Variants in SEPTIN11 observed in about 807,000 individuals in gnomAD.
SEPTIN11 encodes the protein septin 11, also known as septin-11.
A neutral mutation model predicts 51.4 loss-of-function variants in SEPTIN11; 25 were observed. The observed-to-expected ratio is 0.49, with a 90% CI of 0.35 to 0.68. SEPTIN11 has a LOEUF of 0.68. SEPTIN11 is among the 30% of genes least tolerant of loss of function. SEPTIN11 has a pLI of 0.00. For missense variants in SEPTIN11, 381 were observed against 520.8 expected (o/e 0.73, Z 2.61); for synonymous variants, 174 against 184.1 (o/e 0.95, Z 0.44).
At chr4:77,011,714 C>T in intron 3 of SEPTIN11, 21 bp from the exon 4 acceptor site, 1 of 1,610,328 alleles carries the variant, frequency 6.2e-7, no homozygotes, top group Non-Finnish European at 8.5e-7. Flanking sequence ...AGACTAGAAA[C>T]ATGCTGTTTC....
At chr4:77,030,699 T>A in intron 8 of SEPTIN11, 84 bp from the exon 9 acceptor site, 1 of 1,331,388 alleles carries the variant, frequency 7.5e-7, no homozygotes, top group Non-Finnish European at 1.0e-6. Context: ...CTGGCCATGT[T>A]TTGTTTTTTG....
intron 5 of SEPTIN11, among the ~76,000 whole-genome samples, chr4:77,016,633 C>CATATATATATATATATAT (rs1234653472): frequency 0.041 from 2,955 of 72,228 alleles, 205 homozygotes; most frequent in Non-Finnish European, 0.059. Context: ...TATATATACA[C>CATATATATATATATATAT]ATATATATAT....
At chr4:77,018,869 C>T (rs1190866858) in intron 5 of SEPTIN11, among the ~76,000 whole-genome samples, 1 of 152,214 alleles carries the variant, frequency 6.6e-6, no homozygotes, top group African/African-American at 2.4e-5. Context: ...AGCTGTATTT[C>T]AGGTGCTCAA....
At position 77,035,718 on chromosome 4, in the gene SEPTIN11, T is replaced by C; in HGVS notation, c.*1206T>C. ...CCTCACCTTGGCTAGCTCCACCTGC[T>C]CTTTGTCTAAGGCCCTTGCCTCATC... On this transcript the variant is annotated 3_prime_UTR_variant, in exon 10 of 10. Transcript: ENST00000264893. The C allele has an allele frequency of 1.0e-6, 1 of 985,912 alleles. No individual in the cohort carries two copies. The highest frequency in any genetic ancestry group is 1.1e-4 in the East Asian group (1 of 8,806). The allele number at this position is 985,912 out of a possible 1,614,324, so 61.1% of individuals were successfully genotyped here. A position where few individuals can be genotyped will look rare whatever the true frequency, so the allele number is the denominator to read the frequency against.
At chr4:76,990,606 C>G (rs72607860) in intron 1 of SEPTIN11, among the ~76,000 whole-genome samples, 3,236 of 152,240 alleles carry the variant, frequency 0.021, 95 homozygotes, top group East Asian at 0.12. Flanking sequence ...TGGGAGAGAT[C>G]TAGGTTGTGC....
At chr4:76,999,860 C>G (rs1229187545) in intron 2 of SEPTIN11, among the ~76,000 whole-genome samples, 2 of 152,194 alleles carry the variant, frequency 1.3e-5, no homozygotes, top group Non-Finnish European at 2.9e-5. Flanking sequence ...CCCCTTCTCT[C>G]TGTTTTGCTA....
At chr4:76,962,361 T>C (rs1413629923) in intron 1 of SEPTIN11, among the ~76,000 whole-genome samples, 1 of 152,276 alleles carries the variant, frequency 6.6e-6, no homozygotes, top group East Asian at 1.9e-4. Flanking sequence ...AAAATCTCAA[T>C]CTTTAAATGC....
chr4:77,020,652 C>G lies in SEPTIN11; in HGVS notation c.935C>G (p.Pro312Arg), dbSNP rs1725652320. Reference protein sequence around the residue: ...LEEMGFKDTDPDSKPFSLQET... With the variant: ...LEEMGFKDTDRDSKPFSLQET... ...GAGATGGGGTTCAAGGACACTGACC[C>G]TGACAGCAAACCCTTCAGGTATGAA... is the stretch of plus-strand genomic sequence containing the variant. The change falls in exon 7 of 10, where the codon CCT (proline) becomes CGT (arginine). Residue 312 changes from proline (P) to arginine (R), a missense_variant. Around this residue, in one of 2 missense-constraint regions of SEPTIN11, gnomAD observed 197 missense variants for 313.1 expected, o/e 0.63. Coordinates refer to ENST00000264893, the MANE Select transcript of SEPTIN11 (RefSeq NM_018243.4). 2 of 1,614,112 alleles carry G rather than the reference C, an allele frequency of 1.2e-6. No individual in the cohort carries two copies. Among genetic ancestry groups the G allele is most frequent in the East Asian group, 4.5e-5 (2 of 44,870 alleles).
chr4:77,010,144 A>G (rs1427798810), intron 3 of SEPTIN11, among the ~76,000 whole-genome samples: 1 of 152,124 alleles, frequency 6.6e-6, no homozygotes. Flanking sequence ...ATTTGTCACA[A>G]TAGCTCTCTG....
At position 77,024,660 on chromosome 4, in the gene SEPTIN11, A is replaced by G. The variant is rs540319014; in HGVS notation, c.954-3969A>G. ...AGTTACCACCATTTTCTCAGAGGCC[A>G]ACGAGGTCCAGGCCCCAGAGACTCA... On this transcript the variant is annotated intron_variant, in intron 7 of 9. Transcript: ENST00000264893. This position sits in a 1 kb window ranked among gnomAD's most constrained non-coding sequence, Gnocchi z 4.2. 1.3e-5 allele frequency among the ~76,000 whole-genome samples: 2 copies of G among 152,244 alleles called. No individual in the cohort carries two copies. Among genetic ancestry groups the G allele is most frequent in the South Asian group, 2.1e-4 (1 of 4,822 alleles).
chr4:76,950,268 G>A (rs539899314), intron 1 of SEPTIN11, among the ~76,000 whole-genome samples: 1 of 152,352 alleles, frequency 6.6e-6, no homozygotes, highest in African/African-American at 2.4e-5. Flanking sequence ...CCTCGTGACA[G>A]CCAGAAGGGC....
At chr4:77,026,951 C>A (rs1265774661) in intron 7 of SEPTIN11, among the ~76,000 whole-genome samples, 2 of 152,026 alleles carry the variant, frequency 1.3e-5, no homozygotes, top group Non-Finnish European at 2.9e-5. Flanking sequence ...TAATATTAGC[C>A]AACACTAACA....
At chr4:76,952,498 T>A (rs1721391705) in intron 1 of SEPTIN11, among the ~76,000 whole-genome samples, 1 of 152,210 alleles carries the variant, frequency 6.6e-6, no homozygotes, top group Non-Finnish European at 1.5e-5. Flanking sequence ...GAGTGTGATA[T>A]CCCAGGTAAA....
In SEPTIN11 at chr4:77,033,367, A is replaced by T. The variant is rs78252600; in HGVS notation, c.1275-1130A>T. Among the ~76,000 whole-genome samples, 320 of 152,302 alleles carry T rather than the reference A, an allele frequency of 2.1e-3. 2 individuals carry two copies. Among genetic ancestry groups the T allele is most frequent in the Middle Eastern group, 6.8e-3 (2 of 294 alleles). ...AAAATGAAAAGGCAGATGCTTACTTATTTACCTGCTATGCTTCCACCTCCA... is the reference window on the plus strand; with the variant it reads ...AAAATGAAAAGGCAGATGCTTACTTTTTTACCTGCTATGCTTCCACCTCCA... On this transcript the variant is annotated intron_variant, in intron 9 of 9. Transcript: ENST00000264893.
chr4:76,985,224 T>C (rs984610887), intron 1 of SEPTIN11: 21 of 152,262 alleles, frequency 1.4e-4, no homozygotes, highest in African/African-American at 4.1e-4. Context: ...TTTTTGTTGT[T>C]GTTAATTCTT....
intron 9 of SEPTIN11, among the ~76,000 whole-genome samples, chr4:77,033,748 C>T (rs990151214): frequency 6.6e-6 from 1 of 152,182 alleles, no homozygotes; most frequent in African/African-American, 2.4e-5. Flanking sequence ...TTTTAAAATT[C>T]GTCATTTTAA....
intron 1 of SEPTIN11, among the ~76,000 whole-genome samples, chr4:76,955,091 A>AT (rs1260287773): frequency 6.6e-6 from 1 of 151,970 alleles, no homozygotes. Context: ...GGAAGAATTG[A>AT]TTTTTTTTCT....
chr4:77,001,350 C>CTT (rs35682077), intron 2 of SEPTIN11, among the ~76,000 whole-genome samples: 1 of 148,250 alleles, frequency 6.7e-6, no homozygotes. Flanking sequence ...TTTCAATTAA[C>CTT]TTTTTTTTTT....
intron 1 of SEPTIN11, among the ~76,000 whole-genome samples, chr4:76,979,293 T>G (rs1722646676): frequency 6.6e-6 from 1 of 152,180 alleles, no homozygotes; most frequent in African/African-American, 2.4e-5. Context: ...GGTGTCTAAT[T>G]CAAGGAACCA....
Sources: gnomAD v4.1 joint callset for allele counts (sites outside exome capture counted in the v4.1 genomes callset) on GRCh38, gnomAD v4.1.1 for gene constraint, gnomAD v4.1.1 regional missense constraint, Gnocchi (gnomAD v3.1) non-coding constraint, MANE v1.5 for transcripts, NCBI Gene and HGNC (gene_info 2026-07-23, HGNC 2026-07-21) for gene names.